Variants in PLG observed in about 807,000 individuals in gnomAD.
PLG encodes plasminogen, also known as plasmin.
PLG carries 41 observed loss-of-function variants against 104.4 expected under a neutral mutation model. The observed-to-expected ratio is 0.39, with a 90% confidence interval of 0.31 to 0.51. The LOEUF (loss-of-function observed/expected upper bound fraction) is 0.51. Among genes scored for constraint, PLG ranks in the 20% least tolerant of loss-of-function variants. The pLI, the probability that PLG is intolerant of heterozygous loss-of-function variation, is 0.76. For synonymous variants in PLG, 337 were observed against 357.1 expected (o/e 0.94, Z 0.63); for missense variants, 891 against 1,003.6 (o/e 0.89, Z 1.52).
chr6:160,743,852 G>C (rs1176889896), intron 17 of PLG, among the ~76,000 whole-genome samples: 1 of 152,102 alleles, frequency 6.6e-6, no homozygotes, highest in East Asian at 1.9e-4. Flanking sequence ...CTAGTTTATT[G>C]AGAGTTTTCA....
rs1370279240 is a variant in PLG at position 160,731,474 on chromosome 6, A to T, written c.1438+242A>T. ...ACCCTCCAAGGTGCTCAACTTAACC[A>T]CTCACCTTGTTCTAAAATGGGTTAT... On this transcript the variant is annotated intron_variant, in intron 11 of 18. Coordinates refer to ENST00000308192, the MANE Select transcript of PLG (RefSeq NM_000301.5). The surrounding 1 kb of genome is among the most constrained non-coding windows in gnomAD (Gnocchi z 5.1). 6.6e-6 allele frequency among the ~76,000 whole-genome samples: 1 copy of T among 151,958 alleles called. No homozygotes were observed. The highest frequency in any genetic ancestry group is 1.5e-5 in the Non-Finnish European group (1 of 67,992).
intron 9 of PLG, among the ~76,000 whole-genome samples, chr6:160,720,410 CTTTTTTTTT>C (rs3057066): frequency 1.0e-4 from 6 of 58,518 alleles, no homozygotes; most frequent in Admixed American, 6.2e-4. Context: ...CTTTTCTTTT[CTTTTTTTTT>C]TTTTTTTTTT....
Position 160,741,500 on chromosome 6 carries a change from G to A in PLG, c.2125+83G>A, listed in dbSNP as rs1384687444. ...CAAAATGATCATTTTGGAGAAAGCT[G>A]TGCAAATTCCTATCCATGAATGTGG... On this transcript the variant is annotated intron_variant, in intron 17 of 18. Transcript: ENST00000308192. This position sits in a 1 kb window ranked among gnomAD's most constrained non-coding sequence, Gnocchi z 4.7. 1.1e-6 allele frequency: 1 copy of A among 904,854 alleles called. No individual in the cohort carries two copies. The highest frequency in any genetic ancestry group is 1.8e-6 in the Non-Finnish European group (1 of 546,614). 56.1% of individuals were successfully genotyped at this position (904,854 alleles called of 1,614,324 possible). A position where few individuals can be genotyped will look rare whatever the true frequency, so the allele number is the denominator to read the frequency against.
At chr6:160,713,535 C>T (rs138628877) in intron 5 of PLG, among the ~76,000 whole-genome samples, 2,912 of 152,236 alleles carry the variant, frequency 0.019, 114 homozygotes, top group African/African-American at 0.067. Flanking sequence ...TCTCAAAGTG[C>T]TGGGATTACA....
chr6:160,736,501 G>A lies in PLG; in HGVS notation c.1682-386G>A, dbSNP rs1020833819. On this transcript the variant is annotated intron_variant, in intron 13 of 18. Transcript: ENST00000308192. This position sits in a 1 kb window ranked among gnomAD's most constrained non-coding sequence, Gnocchi z 5.2. ...GTAAACTTTACATGGTTTAGATGGT[G>A]ATGGTGATGATGATGATTATGGGAA... Among the ~76,000 whole-genome samples, 1 of 152,186 alleles carries A rather than the reference G, an allele frequency of 6.6e-6. No individual in the cohort carries two copies. Among genetic ancestry groups the A allele is most frequent in the Non-Finnish European group, 1.5e-5 (1 of 68,030 alleles).
intron 7 of PLG, 40 bp downstream of exon 7, chr6:160,716,803 G>A: frequency 8.4e-7 from 1 of 1,193,412 alleles, no homozygotes; most frequent in Non-Finnish European, 1.3e-6. Flanking sequence ...ATTTGGACCT[G>A]CCCTGTTCTT....
chr6:160,711,457 T>C, intron 4 of PLG: 2 of 954,056 alleles, frequency 2.1e-6, no homozygotes, highest in Non-Finnish European at 3.1e-6. Flanking sequence ...TCTGTCATCT[T>C]TTTCAAGTCT....
chr6:160,708,809 A>T (rs952369675), intron 3 of PLG, among the ~76,000 whole-genome samples: 1 of 152,142 alleles, frequency 6.6e-6, no homozygotes, highest in African/African-American at 2.4e-5. Flanking sequence ...CCTGGGTTTC[A>T]TTAGCTGTAC....
At chr6:160,750,285 A>G (rs1778380913) in intron 17 of PLG, among the ~76,000 whole-genome samples, 1 of 152,042 alleles carries the variant, frequency 6.6e-6, no homozygotes, top group African/African-American at 2.4e-5. Flanking sequence ...CCTCTCCCCA[A>G]CGCCCCATCG....
Position 160,738,529 on chromosome 6 carries a change from T to C in PLG, c.1803-9T>C, listed in dbSNP as rs1161988255. The C allele has an allele frequency of 1.3e-6, 2 of 1,580,420 alleles. No individual in the cohort carries two copies. Among genetic ancestry groups the C allele is most frequent in the Admixed American group, 3.3e-5 (2 of 59,990 alleles). ...TTTAACTAAAATTTGAACTAAATCC[T>C]CTTTCCAGGTTTGGAATGCACTTCT... On this transcript the variant is annotated splice_polypyrimidine_tract_variant and intron_variant, in intron 14 of 18. Coordinates refer to ENST00000308192, the MANE Select transcript of PLG (RefSeq NM_000301.5). This position sits in a 1 kb window ranked among gnomAD's most constrained non-coding sequence, Gnocchi z 6.8.
At chr6:160,727,464 A>AC (rs1403810153) in intron 10 of PLG, among the ~76,000 whole-genome samples, 9 of 151,084 alleles carry the variant, frequency 6.0e-5, no homozygotes, top group African/African-American at 2.2e-4. Context: ...AAAAAAAAAA[A>AC]CCCTAGTTGT....
In PLG at chr6:160,707,764, A is replaced by G; in HGVS notation, c.250A>G (p.Ile84Val). ...VIMAENRKSSIIIRMRDVVLF... is the reference protein window; with the variant it reads ...VIMAENRKSSVIIRMRDVVLF... ...AATGGCTGAAAACAGGAAGTCCTCC[A>G]TAATCATTAGGATGAGAGATGTAGT... is the stretch of plus-strand genomic sequence containing the variant. The change falls in exon 3 of 19, where the codon ATA (isoleucine) becomes GTA (valine). Residue 84 changes from isoleucine to valine, a missense_variant. Physicochemically the swap from Ile to Val is conservative, Grantham distance 29. Transcript: ENST00000308192. The G allele has an allele frequency of 6.2e-7, 1 of 1,611,574 alleles. No individual in the cohort carries two copies. The highest frequency in any genetic ancestry group is 1.1e-5 in the South Asian group (1 of 90,982).
Position 160,726,479 on chromosome 6 carries a change from T to C in PLG, c.1256+3912T>C, listed in dbSNP as rs1777924006. Among the ~76,000 whole-genome samples, 2 of 152,018 alleles carry C rather than the reference T, an allele frequency of 1.3e-5. No individual in the cohort carries two copies. Among genetic ancestry groups the C allele is most frequent in the Non-Finnish European group, 2.9e-5 (2 of 67,914 alleles). ...GCTTTCAGTAGAAAATAGAAACATG[T>C]AAAAATCAATGACTTAAGATGGCAT... On this transcript the variant is annotated intron_variant, in intron 10 of 18. Coordinates refer to ENST00000308192, the MANE Select transcript of PLG (RefSeq NM_000301.5). The surrounding 1 kb of genome is among the most constrained non-coding windows in gnomAD (Gnocchi z 4.4).
chr6:160,712,059 C>T (rs1777653599), intron 4 of PLG: 2 of 343,558 alleles, frequency 5.8e-6, no homozygotes, highest in South Asian at 4.1e-5. Flanking sequence ...TTGCTATATC[C>T]CTATGAGATG....
At chr6:160,714,564 T>A (rs1777699068) in intron 5 of PLG, among the ~76,000 whole-genome samples, 1 of 152,314 alleles carries the variant, frequency 6.6e-6, no homozygotes, top group Middle Eastern at 3.4e-3. Flanking sequence ...GAGGGAGTAT[T>A]GACTAAAATA....
intron 3 of PLG, among the ~76,000 whole-genome samples, chr6:160,710,405 TG>T (rs1254310984): frequency 6.6e-6 from 1 of 151,924 alleles, no homozygotes; most frequent in African/African-American, 2.4e-5. Context: ...CAGACATGGG[TG>T]GGCACACTAG....
rs556979020 is a variant in PLG at position 160,723,835 on chromosome 6, C to T, written c.1256+1268C>T. On this transcript the variant is annotated intron_variant, in intron 10 of 18. Coordinates refer to ENST00000308192, the MANE Select transcript of PLG (RefSeq NM_000301.5). This position sits in a 1 kb window ranked among gnomAD's most constrained non-coding sequence, Gnocchi z 4.7. ...TTCTGACCAGCCTGAGGAGAGACCT[C>T]GCTGAACATCTTGGGCATTCAGTAG... Among the ~76,000 whole-genome samples, 154 of 152,258 alleles carry T rather than the reference C, an allele frequency of 1.0e-3. 2 individuals are homozygous for T. The highest frequency in any genetic ancestry group is 3.4e-3 in the African/African-American group (141 of 41,544).
intron 1 of PLG, among the ~76,000 whole-genome samples, chr6:160,703,582 C>T (rs1777464720): frequency 6.6e-6 from 1 of 152,034 alleles, no homozygotes; most frequent in Non-Finnish European, 1.5e-5. Flanking sequence ...CTATAAATTA[C>T]CAGATAAAAT....
intron 17 of PLG, among the ~76,000 whole-genome samples, chr6:160,751,527 T>C (rs1442394487): frequency 1.3e-5 from 2 of 152,258 alleles, no homozygotes; most frequent in East Asian, 3.8e-4. Flanking sequence ...AGGTTTACTA[T>C]TTTAACCATT....
Sources: gnomAD v4.1 joint callset for allele counts (sites outside exome capture counted in the v4.1 genomes callset) on GRCh38, gnomAD v4.1.1 for gene constraint, Gnocchi (gnomAD v3.1) non-coding constraint, MANE v1.5 for transcripts, NCBI Gene and HGNC (gene_info 2026-07-23, HGNC 2026-07-21) for gene names.